CNST: variants seen among roughly 807,000 people sequenced by gnomAD.
CNST encodes the protein consortin.
CNST carries 39 observed loss-of-function variants against 72.4 expected under a neutral mutation model. The observed-to-expected ratio is 0.54, with a 90% confidence interval of 0.42 to 0.70. CNST has a LOEUF of 0.70. Ranked by LOEUF, CNST falls within the 30% of genes least tolerant of loss-of-function variation. The pLI, the probability that CNST is intolerant of heterozygous loss-of-function variation, is 0.00. For missense variants in CNST, 871 were observed against 868.5 expected (o/e 1.00, Z -0.04); for synonymous variants, 332 against 320.1 (o/e 1.04, Z -0.40).
chr1:246,586,939 T>C (rs1056015214), intron 1 of CNST, among the ~76,000 whole-genome samples: 3 of 152,206 alleles, frequency 2.0e-5, no homozygotes, highest in Non-Finnish European at 4.4e-5. Context: ...GGATACAGGC[T>C]CTGGAATCAG....
intron 1 of CNST, among the ~76,000 whole-genome samples, chr1:246,576,234 C>CAAA (rs1232775346): frequency 0.16 from 2,127 of 13,660 alleles, 782 homozygotes; most frequent in Admixed American, 0.21. Context: ...GACTCCGTCT[C>CAAA]AAAAAAAAAA....
chr1:246,574,283 C>T lies in CNST; in HGVS notation c.-52+7620C>T, dbSNP rs571764635. Among the ~76,000 whole-genome samples the T allele has an allele frequency of 3.5e-4, 54 of 152,306 alleles. No individual in the cohort carries two copies. The South Asian group carries it at 9.1e-3, about 26-fold the overall frequency. On this transcript the variant is annotated intron_variant, in intron 1 of 10. Transcript: ENST00000366513. ...GTCTCGATCTCCTTACCTTGTGATC[C>T]GCCCGCCTCGGCCTCCCAAAGTGTT...
chr1:246,592,145 CAATT>C (rs948391617), intron 2 of CNST, among the ~76,000 whole-genome samples: 1 of 152,096 alleles, frequency 6.6e-6, no homozygotes, highest in Non-Finnish European at 1.5e-5. Flanking sequence ...GGGTGTAACA[CAATT>C]TATTTAATCA....
chr1:246,574,101 G>A (rs1289820420), intron 1 of CNST, among the ~76,000 whole-genome samples: 1 of 152,098 alleles, frequency 6.6e-6, no homozygotes, highest in African/African-American at 2.4e-5. Context: ...GTGCAGTGGC[G>A]TGATCTCAGC....
intron 9 of CNST, among the ~76,000 whole-genome samples, chr1:246,656,806 C>T (rs1054693337): frequency 1.3e-5 from 2 of 151,864 alleles, no homozygotes; most frequent in Non-Finnish European, 2.9e-5. Flanking sequence ...GTGGCGTGTG[C>T]CTGTAGTCCC....
intron 1 of CNST, among the ~76,000 whole-genome samples, chr1:246,580,593 C>T (rs1344259767): frequency 6.6e-6 from 1 of 152,138 alleles, no homozygotes; most frequent in East Asian, 1.9e-4. Context: ...TCATAGCAGA[C>T]CTTCAAATAT....
At chr1:246,639,454 C>T (rs370675311) in intron 6 of CNST, among the ~76,000 whole-genome samples, 42 of 152,134 alleles carry the variant, frequency 2.8e-4, no homozygotes, top group East Asian at 3.9e-4. Context: ...GAGCAGTGTG[C>T]GGTCGGTTGT....
intron 2 of CNST, among the ~76,000 whole-genome samples, chr1:246,598,199 G>GGTCCTGAAT (rs1284428618): frequency 6.8e-6 from 1 of 147,632 alleles, no homozygotes; most frequent in African/African-American, 2.5e-5. Context: ...TGCCCAGGCT[G>GGTCCTGAAT]GTCCTGAATT....
chr1:246,658,691 C>T (rs1232673791), intron 9 of CNST, among the ~76,000 whole-genome samples: 5 of 152,214 alleles, frequency 3.3e-5, no homozygotes, highest in Non-Finnish European at 7.3e-5. Flanking sequence ...TAGAGGCCAT[C>T]CTCAGCTTAG....
chr1:246,636,840 C>T (rs1665291500), intron 6 of CNST, among the ~76,000 whole-genome samples: 1 of 152,162 alleles, frequency 6.6e-6, no homozygotes, highest in South Asian at 2.1e-4. Context: ...GAGTGAAGGA[C>T]TGTTGACATG....
chr1:246,614,315 G>A (rs80020952), intron 2 of CNST, among the ~76,000 whole-genome samples: 4,416 of 152,140 alleles, frequency 0.029, 213 homozygotes, highest in African/African-American at 0.1. Context: ...CTCACATGAA[G>A]TTAGGTATAG....
intron 6 of CNST, among the ~76,000 whole-genome samples, chr1:246,641,380 T>G (rs1308475241): frequency 6.6e-6 from 1 of 152,260 alleles, no homozygotes; most frequent in African/African-American, 2.4e-5. Context: ...CCAACAAAAT[T>G]ATCTTCAACC....
chr1:246,662,177 G>T (rs76538524), intron 10 of CNST, among the ~76,000 whole-genome samples: 1,768 of 152,276 alleles, frequency 0.012, 33 homozygotes, highest in Middle Eastern at 0.041. Flanking sequence ...AAATGTAAAT[G>T]TTGATTGTGT....
intron 2 of CNST, among the ~76,000 whole-genome samples, chr1:246,602,569 T>C (rs1035829188): frequency 1.6e-4 from 25 of 152,364 alleles, no homozygotes; most frequent in Non-Finnish European, 2.8e-4. Context: ...GAAGTCATAC[T>C]TTTTTAATGA....
At chr1:246,602,010 T>G (rs1046627651) in intron 2 of CNST, among the ~76,000 whole-genome samples, 1 of 152,098 alleles carries the variant, frequency 6.6e-6, no homozygotes, top group African/African-American at 2.4e-5. Flanking sequence ...TAAGGGTTGA[T>G]AGTTGGGAGT....
rs1190733384 is a variant in CNST at position 246,591,916 on chromosome 1, A to G, written c.354A>G (p.Lys118=). The change falls in exon 2 of 11, where the codon AAA becomes AAG. Residue 118 remains lysine, a synonymous_variant. Coordinates refer to ENST00000366513, the MANE Select transcript of CNST (RefSeq NM_152609.3). ...GAAAAAGAAGTCCAAGAAGCAAAAA[A>G]GGGACTGCTAAGAAGATACCACCAG... ...IPGKRSPRSK[K]GTAKKIPPGL... 2 of 1,613,158 alleles carry G rather than the reference A, an allele frequency of 1.2e-6. No homozygotes were observed. The highest frequency in any genetic ancestry group is 1.7e-6 in the Non-Finnish European group (2 of 1,179,736).
Position 246,621,509 on chromosome 1 carries a change from G to A in CNST, c.460G>A (p.Ala154Thr), listed in dbSNP as rs756612398. 2 of 1,614,144 alleles carry A rather than the reference G, an allele frequency of 1.2e-6. No individual in the cohort carries two copies. Among genetic ancestry groups the A allele is most frequent in the South Asian group, 2.2e-5 (2 of 91,084 alleles). ...CACATATGCTGTTGATGATGAAGAA[G>A]CTGCTGAAGTAAATGCTAATGAGCA... ...AVTYAVDDEE[A>T]AEVNANEQPE... Residue 154 changes from alanine to threonine, a missense_variant, in exon 3 of 11, where the codon GCT becomes ACT. Coordinates refer to ENST00000366513, the MANE Select transcript of CNST (RefSeq NM_152609.3).
Position 246,647,532 on chromosome 1 carries a change from C to T in CNST, c.1331C>T (p.Pro444Leu). ...LISPGCDRIP[P>L]ALISEGKYSQ... ...TCACCAGGCTGTGACCGTATACCTC[C>T]TGCATTGATTTCTGAGGGTAAATAT... is the stretch of plus-strand genomic sequence containing the variant. The change falls in exon 9 of 11, where the codon CCT becomes CTT. Residue 444 changes from proline (P) to leucine (L), a missense_variant. Transcript: ENST00000366513. The T allele has an allele frequency of 6.2e-7, 1 of 1,614,188 alleles. No individual in the cohort carries two copies. Among genetic ancestry groups the T allele is most frequent in the South Asian group, 1.1e-5 (1 of 91,076 alleles).
chr1:246,615,864 G>A (rs1196121226), intron 2 of CNST, among the ~76,000 whole-genome samples: 1 of 151,258 alleles, frequency 6.6e-6, no homozygotes, highest in Non-Finnish European at 1.5e-5. Flanking sequence ...GGCAAAAAGA[G>A]CAGAAACTCC....
Sources: gnomAD v4.1 joint callset for allele counts (sites outside exome capture counted in the v4.1 genomes callset) on GRCh38, gnomAD v4.1.1 for gene constraint, MANE v1.5 for transcripts, NCBI Gene and HGNC (gene_info 2026-07-23, HGNC 2026-07-21) for gene names.